Variants in FANK1 observed in about 807,000 individuals in gnomAD.
FANK1 encodes the protein fibronectin type 3 and ankyrin repeat domains protein 1.
In FANK1, 44 loss-of-function variants were observed where a neutral mutation model predicts 45.3. The ratio of observed to expected loss-of-function variants is 0.97; its 90% CI spans 0.76 to 1.25. FANK1 has a LOEUF of 1.25. Ranked by LOEUF, FANK1 falls within the 50% of genes most tolerant of loss-of-function variation. The pLI, the probability that FANK1 is intolerant of heterozygous loss-of-function variation, is 0.00. For missense variants in FANK1, 391 were observed against 424.4 expected, an observed-to-expected ratio of 0.92 and a Z score of 0.69; for synonymous variants, 149 against 152.5, an observed-to-expected ratio of 0.98 and a Z score of 0.17.
At chr10:126,001,115 C>T (rs918334681) in intron 6 of FANK1, among the ~76,000 whole-genome samples, 6 of 152,148 alleles carry the variant, frequency 3.9e-5, no homozygotes, top group African/African-American at 1.4e-4. Flanking sequence ...CACAGTGATC[C>T]CATTTTAGGA....
chr10:125,956,027 A>G (rs1254386942), intron 1 of FANK1, among the ~76,000 whole-genome samples: 2 of 152,190 alleles, frequency 1.3e-5, no homozygotes, highest in African/African-American at 4.8e-5. Flanking sequence ...GGGGCATTTA[A>G]GCCCACATTC....
At chr10:125,979,275 C>G (rs996016090) in intron 1 of FANK1, among the ~76,000 whole-genome samples, 1 of 152,128 alleles carries the variant, frequency 6.6e-6, no homozygotes, top group African/African-American at 2.4e-5. Context: ...GTTGTATTCA[C>G]TCGCCCCTTC....
At chr10:125,902,291 C>T (rs547082714) in intron 1 of FANK1, among the ~76,000 whole-genome samples, 78 of 152,342 alleles carry the variant, frequency 5.1e-4, no homozygotes, top group African/African-American at 1.8e-3. Context: ...CTACTTTCTT[C>T]ACTCGACTGT....
intron 1 of FANK1, among the ~76,000 whole-genome samples, chr10:125,913,219 C>A (rs1382957601): frequency 6.6e-6 from 1 of 152,156 alleles, no homozygotes; most frequent in Non-Finnish European, 1.5e-5. Context: ...TAATTCTCCA[C>A]CCTTATCTGA....
chr10:125,951,249 AAG>A (rs1393883703), intron 1 of FANK1, among the ~76,000 whole-genome samples: 1 of 152,014 alleles, frequency 6.6e-6, no homozygotes, highest in Non-Finnish European at 1.5e-5. Flanking sequence ...AAAAAAAAAA[AAG>A]AACAAAACAA....
intron 1 of FANK1, among the ~76,000 whole-genome samples, chr10:125,925,586 A>G (rs1193091242): frequency 2.0e-5 from 3 of 152,182 alleles, no homozygotes; most frequent in Non-Finnish European, 4.4e-5. Context: ...CTTTAGAGAT[A>G]GAGTTTGGCT....
chr10:125,992,249 T>C (rs1270303770), intron 3 of FANK1, among the ~76,000 whole-genome samples: 1 of 152,238 alleles, frequency 6.6e-6, no homozygotes, highest in East Asian at 1.9e-4. Context: ...AAAGAATTGC[T>C]GTGCACTGCA....
chr10:125,984,586 G>A (rs960879614), intron 2 of FANK1, among the ~76,000 whole-genome samples: 4 of 152,142 alleles, frequency 2.6e-5, no homozygotes, highest in African/African-American at 9.7e-5. Flanking sequence ...CAGGGAGGGT[G>A]TTGGGGATGT....
At chr10:125,950,337 A>G (rs957293481) in intron 1 of FANK1, among the ~76,000 whole-genome samples, 2 of 148,254 alleles carry the variant, frequency 1.3e-5, no homozygotes, top group Non-Finnish European at 3.0e-5. Flanking sequence ...GCAACCTACA[A>G]AATGGGAGAA....
chr10:125,944,170 G>A (rs150286349), intron 1 of FANK1, among the ~76,000 whole-genome samples: 37 of 152,298 alleles, frequency 2.4e-4, no homozygotes, highest in African/African-American at 8.2e-4. Context: ...AGTAGCACAC[G>A]ATAATGGCAT....
intron 1 of FANK1, among the ~76,000 whole-genome samples, chr10:125,941,257 A>G (rs182559862): frequency 0.036 from 5,413 of 152,332 alleles, 124 homozygotes; most frequent in Middle Eastern, 0.068. Flanking sequence ...CATCCAGTGA[A>G]AAAACAAGCA....
chr10:125,991,418 C>T (rs1459596325), intron 3 of FANK1, among the ~76,000 whole-genome samples: 4 of 152,056 alleles, frequency 2.6e-5, no homozygotes, highest in Non-Finnish European at 5.9e-5. Context: ...GGGGCAGGCT[C>T]TTGGCTCTGT....
chr10:125,995,083 T>C (rs1952225805), intron 3 of FANK1: 1 of 359,950 alleles, frequency 2.8e-6, no homozygotes. Flanking sequence ...ATTGTGACAA[T>C]TGCTGAGGTT....
intron 1 of FANK1, among the ~76,000 whole-genome samples, chr10:125,931,491 AT>A (rs1947749244): frequency 1.3e-5 from 2 of 152,190 alleles, no homozygotes; most frequent in Non-Finnish European, 2.9e-5. Context: ...TTTTTCATAT[AT>A]TAGTTGGCCA....
rs538239359 is a variant in FANK1 at position 125,974,506 on chromosome 10, A to G, written c.14-5655A>G. 4.0e-4 allele frequency among the ~76,000 whole-genome samples: 61 copies of G among 152,320 alleles called. No homozygotes were observed. In the South Asian group the frequency reaches 0.013, roughly 32 times the overall value. On this transcript the variant is annotated intron_variant, in intron 1 of 10. Transcript: ENST00000368693. ...AAGACATGGACCCAGCCTGTAAGAA[A>G]CTTAAAGTGTAGCAGGGGAGACAAA...
intron 1 of FANK1, among the ~76,000 whole-genome samples, chr10:125,911,888 C>T (rs1173292417): frequency 2.6e-5 from 4 of 152,060 alleles, no homozygotes; most frequent in Non-Finnish European, 4.4e-5. Context: ...TTATATAGGG[C>T]GGGCTCCCTG....
At chr10:125,930,778 T>C in intron 1 of FANK1, among the ~76,000 whole-genome samples, 1 of 152,182 alleles carries the variant, frequency 6.6e-6, no homozygotes, top group East Asian at 1.9e-4. Flanking sequence ...CATGAGTAAG[T>C]TCTTTAGTGG....
rs1018479746 is a variant in FANK1 at position 125,898,733 on chromosome 10, A to C, written c.13+2078A>C. On this transcript the variant is annotated intron_variant, in intron 1 of 10. Coordinates refer to ENST00000368693, the MANE Select transcript of FANK1 (RefSeq NM_145235.5). ...TAACCATGTGAGAAATGTATTACTT[A>C]TGTGAACTATACATTTATATCTCAT... is the stretch of plus-strand genomic sequence containing the variant. Among the ~76,000 whole-genome samples, 6 of 152,302 alleles carry C rather than the reference A, an allele frequency of 3.9e-5. No individual in the cohort carries two copies. The Middle Eastern group carries it at 0.014, about 345-fold the overall frequency.
At position 125,996,576 on chromosome 10, in the gene FANK1, A is replaced by C; in HGVS notation, c.425A>C (p.Lys142Thr). The C allele has an allele frequency of 1.2e-6, 2 of 1,614,130 alleles. No homozygotes were observed. Among genetic ancestry groups the C allele is most frequent in the Non-Finnish European group, 1.7e-6 (2 of 1,180,032 alleles). ...CGTGTTAAGGTTGATGTTCCCAATA[A>C]GTTTGGCTTTACCGCTCTGATGGTT... ...GGRVKVDVPN[K>T]FGFTALMVAA... Residue 142 changes from lysine to threonine, a missense_variant, in exon 5 of 11, where the codon AAG becomes ACG. By Grantham distance (78) the Lys-to-Thr change is moderately conservative. Transcript: ENST00000368693.
Sources: gnomAD v4.1 joint callset for allele counts (sites outside exome capture counted in the v4.1 genomes callset) on GRCh38, gnomAD v4.1.1 for gene constraint, MANE v1.5 for transcripts, NCBI Gene and HGNC (gene_info 2026-07-23, HGNC 2026-07-21) for gene names.